The following MGAT5 variants were observed in gnomAD, a reference collection of about 807,000 sequenced individuals.
MGAT5 encodes the protein alpha-1,6-mannosylglycoprotein 6-beta-N-acetylglucosaminyltransferase A.
In MGAT5, 30 loss-of-function variants were observed where a neutral mutation model predicts 94.3. The observed-to-expected ratio is 0.32, with a 90% CI of 0.24 to 0.43. The LOEUF is 0.43. Among genes scored for constraint, MGAT5 ranks in the 20% least tolerant of loss-of-function variants. The probability of loss-of-function intolerance (pLI) is 1.00; values close to 1 mark genes in which losing one functional copy is unlikely to be tolerated. For missense variants in MGAT5, 691 were observed against 905.5 expected (o/e 0.76, Z 3.04); for synonymous variants, 310 against 322.9 (o/e 0.96, Z 0.43).
intron 10 of MGAT5, 130 bp downstream of exon 10, chr2:134,362,538 A>T: frequency 8.6e-7 from 1 of 1,157,550 alleles, no homozygotes; most frequent in Non-Finnish European, 1.2e-6. Flanking sequence ...ATAAACAAGA[A>T]TGTGCAAAGA....
chr2:134,143,666 G>A (rs1312081058), intron 1 of MGAT5, among the ~76,000 whole-genome samples: 1 of 152,154 alleles, frequency 6.6e-6, no homozygotes, highest in Non-Finnish European at 1.5e-5. Flanking sequence ...GGTTGGCTGA[G>A]GATAAAGGGA....
At chr2:134,267,259 G>A (rs563046177) in intron 1 of MGAT5, among the ~76,000 whole-genome samples, 73 of 152,296 alleles carry the variant, frequency 4.8e-4, no homozygotes, top group African/African-American at 1.7e-3. Context: ...AACCAGACTG[G>A]GTTTGAGTCC....
intron 1 of MGAT5, among the ~76,000 whole-genome samples, chr2:134,208,325 G>A (rs4954118): frequency 6.6e-6 from 1 of 152,008 alleles, no homozygotes; most frequent in Non-Finnish European, 1.5e-5. Flanking sequence ...TTTGATGTGC[G>A]TATGCATGTT....
At chr2:134,215,059 C>T (rs1680406215) in intron 1 of MGAT5, among the ~76,000 whole-genome samples, 1 of 152,146 alleles carries the variant, frequency 6.6e-6, no homozygotes, top group African/African-American at 2.4e-5. Flanking sequence ...TTCTTTTGCT[C>T]AGTATTATGT....
intron 4 of MGAT5, among the ~76,000 whole-genome samples, chr2:134,322,635 TCC>T (rs1254881701): frequency 6.6e-6 from 1 of 152,170 alleles, no homozygotes; most frequent in East Asian, 1.9e-4. Context: ...ACCGATTAAT[TCC>T]TTTTTAGTAT....
intron 11 of MGAT5, among the ~76,000 whole-genome samples, chr2:134,411,043 A>T (rs2106325105): frequency 6.6e-6 from 1 of 152,250 alleles, no homozygotes; most frequent in South Asian, 2.1e-4. Context: ...ACAACCCTGG[A>T]TTCTTCATAT....
chr2:134,292,452 G>A (rs1486549594), intron 2 of MGAT5, among the ~76,000 whole-genome samples: 4 of 152,298 alleles, frequency 2.6e-5, no homozygotes, highest in South Asian at 2.1e-4. Context: ...CCGACAGGGT[G>A]CATTGGGTAA....
chr2:134,359,775 G>C (rs1679965894), intron 9 of MGAT5, among the ~76,000 whole-genome samples: 1 of 152,186 alleles, frequency 6.6e-6, no homozygotes, highest in Admixed American at 6.5e-5. Flanking sequence ...TCCTGGACTT[G>C]TGGCTTTTGA....
intron 1 of MGAT5, among the ~76,000 whole-genome samples, chr2:134,204,674 C>T (rs1392191979): frequency 1.3e-5 from 2 of 152,062 alleles, no homozygotes; most frequent in Non-Finnish European, 2.9e-5. Flanking sequence ...TCCTTAAAAC[C>T]AAGGAGATTG....
intron 1 of MGAT5, among the ~76,000 whole-genome samples, chr2:134,203,038 G>A (rs1286358546): frequency 6.6e-6 from 1 of 152,188 alleles, no homozygotes; most frequent in Non-Finnish European, 1.5e-5. Flanking sequence ...TTTATTTGGT[G>A]ACTCATATTA....
At chr2:134,172,972 T>C (rs191944559) in intron 1 of MGAT5, among the ~76,000 whole-genome samples, 17 of 152,314 alleles carry the variant, frequency 1.1e-4, no homozygotes, top group African/African-American at 4.1e-4. Flanking sequence ...ACTAGATGAA[T>C]GTCTTGACGT....
intron 1 of MGAT5, among the ~76,000 whole-genome samples, chr2:134,196,791 A>G (rs578161294): frequency 6.6e-6 from 1 of 152,166 alleles, no homozygotes. Flanking sequence ...AGTGTATTTT[A>G]TGTGTGGCCC....
chr2:134,123,440 A>C (rs1015022593), intron 1 of MGAT5, among the ~76,000 whole-genome samples: 1 of 152,190 alleles, frequency 6.6e-6, no homozygotes, highest in Admixed American at 6.5e-5. Flanking sequence ...TGGGTTGGAA[A>C]GTTTATGTCC....
chr2:134,304,312 A>G (rs1686203859), intron 2 of MGAT5, among the ~76,000 whole-genome samples: 1 of 152,154 alleles, frequency 6.6e-6, no homozygotes, highest in East Asian at 1.9e-4. Context: ...TCCGGATGCC[A>G]TGGCTGGAGG....
At chr2:134,262,943 T>G (rs1250499971) in intron 1 of MGAT5, among the ~76,000 whole-genome samples, 1 of 152,192 alleles carries the variant, frequency 6.6e-6, no homozygotes, top group Non-Finnish European at 1.5e-5. Flanking sequence ...CTAGGAGATG[T>G]GGTTGTCATT....
At chr2:134,334,439 A>G (rs908264719) in intron 4 of MGAT5, among the ~76,000 whole-genome samples, 1 of 129,244 alleles carries the variant, frequency 7.7e-6, no homozygotes. Context: ...TGGCTGGTAA[A>G]TTTGGTTATT....
intron 1 of MGAT5, chr2:134,120,324 G>C: frequency 2.6e-6 from 1 of 390,486 alleles, no homozygotes; most frequent in Non-Finnish European, 4.5e-6. Context: ...GATCGCGTCG[G>C]AGGGAGCTCG....
At chr2:134,303,068 A>G (rs1276036326) in intron 2 of MGAT5, among the ~76,000 whole-genome samples, 3 of 152,148 alleles carry the variant, frequency 2.0e-5, no homozygotes, top group Admixed American at 6.6e-5. Context: ...AGGTTCGCCT[A>G]CATGATGTTC....
At chr2:134,288,057 C>G (rs1685117241) in intron 2 of MGAT5, among the ~76,000 whole-genome samples, 1 of 152,040 alleles carries the variant, frequency 6.6e-6, no homozygotes. Context: ...GGTTTTTATT[C>G]TCAAGTGCTT....
Sources: gnomAD v4.1 joint callset for allele counts (sites outside exome capture counted in the v4.1 genomes callset) on GRCh38, gnomAD v4.1.1 for gene constraint, MANE v1.5 for transcripts, NCBI Gene and HGNC (gene_info 2026-07-23, HGNC 2026-07-21) for gene names.